The following ARHGEF16 variants were observed in gnomAD, a reference collection of about 807,000 sequenced individuals.
ARHGEF16 encodes the protein Rho guanine nucleotide exchange factor 16.
A neutral mutation model predicts 74.1 loss-of-function variants in ARHGEF16; 59 were observed. The observed-to-expected ratio is 0.80, with a 90% CI of 0.65 to 0.99. ARHGEF16 has a LOEUF of 0.99. Among genes scored for constraint, ARHGEF16 ranks in the 50% least tolerant of loss-of-function variants. ARHGEF16 has a pLI of 0.00. For missense variants in ARHGEF16, 948 were observed against 986.6 expected, an observed-to-expected ratio of 0.96 and a Z score of 0.52; for synonymous variants, 415 against 412.6, an observed-to-expected ratio of 1.01 and a Z score of -0.07.
intron 1 of ARHGEF16, among the ~76,000 whole-genome samples, chr1:3,461,057 G>A (rs1639381163): frequency 6.6e-6 from 1 of 152,206 alleles, no homozygotes; most frequent in South Asian, 2.1e-4. Context: ...GAGTGACTCA[G>A]CCTTGTTTTC....
At chr1:3,468,971 T>A in intron 5 of ARHGEF16, 35 bp downstream of exon 5, 1 of 1,548,456 alleles carries the variant, frequency 6.5e-7, no homozygotes. Flanking sequence ...CTGTCCCCCA[T>A]GGCCTGGGCC....
At position 3,467,565 on chromosome 1, in the gene ARHGEF16, G is replaced by A. The variant is rs989886266; in HGVS notation, c.804+228G>A. Among the ~76,000 whole-genome samples the A allele has an allele frequency of 3.3e-5, 5 of 152,294 alleles. No homozygotes were observed. In the East Asian group the frequency reaches 5.8e-4, roughly 18 times the overall value. On this transcript the variant is annotated intron_variant, in intron 4 of 14. Transcript: ENST00000378378. ...CCCATGCAGGGCCCTGCCGTCGTGC[G>A]TGCGAGGGCCAGCCCTGCTCAGACT... is the stretch of plus-strand genomic sequence containing the variant.
rs1639573236 is a variant in ARHGEF16, at chr1:3,467,272, G to T, written c.739G>T (p.Val247Leu). The change falls in exon 4 of 15, where the codon GTG becomes TTG. Residue 247 changes from valine to leucine, a missense_variant. Transcript: ENST00000378378. ...ESSSPEGTQK[V>L]DATIVVKSYR... ...CTCCAGCCCCGAGGGAACCCAGAAG[G>T]TGGACGCCACCATTGTGGTCAAGAG... 1 of 1,550,292 alleles carries T rather than the reference G, an allele frequency of 6.5e-7. No individual in the cohort carries two copies. The highest frequency in any genetic ancestry group is 1.4e-5 in the African/African-American group (1 of 73,052).
At chr1:3,461,192 G>A (rs1396339298) in intron 1 of ARHGEF16, among the ~76,000 whole-genome samples, 1 of 152,208 alleles carries the variant, frequency 6.6e-6, no homozygotes, top group Non-Finnish European at 1.5e-5. Context: ...TTTTTAAAAG[G>A]GAAAGAATGA....
In ARHGEF16 at chr1:3,480,865, C is replaced by A; in HGVS notation, c.*278C>A. 1 of 505,986 alleles carries A rather than the reference C, an allele frequency of 2.0e-6. No individual in the cohort carries two copies. The highest frequency in any genetic ancestry group is 3.5e-6 in the Non-Finnish European group (1 of 283,304). 31.3% of individuals were successfully genotyped at this position (505,986 alleles called of 1,614,324 possible). Reference sequence around the variant, plus strand: ...CTGGCTGGGCCCCTCAGCTGCTGGGCCCCACCTCCCCACTGCACCCAGGGG... The same window carrying A: ...CTGGCTGGGCCCCTCAGCTGCTGGGACCCACCTCCCCACTGCACCCAGGGG... On this transcript the variant is annotated 3_prime_UTR_variant, in exon 15 of 15. Coordinates refer to ENST00000378378, the MANE Select transcript of ARHGEF16 (RefSeq NM_014448.4).
Position 3,474,644 on chromosome 1 carries a change from G to A in ARHGEF16, c.1306-64G>A, listed in dbSNP as rs1046002805. On this transcript the variant is annotated intron_variant, in intron 8 of 14. Transcript: ENST00000378378. ...CAGCCCCACACGGGGTCTGGCGTTG[G>A]TGGGAGCCTCCACACCTGGGATGCC... The A allele has an allele frequency of 2.3e-5, 35 of 1,510,486 alleles. No individual in the cohort carries two copies. The African/African-American group carries it at 4.8e-4, about 21-fold the overall frequency. 93.6% of individuals were successfully genotyped at this position (1,510,486 alleles called of 1,614,324 possible).
chr1:3,467,722 A>C (rs1639588459), intron 4 of ARHGEF16, among the ~76,000 whole-genome samples: 1 of 152,026 alleles, frequency 6.6e-6, no homozygotes, highest in African/African-American at 2.4e-5. Context: ...CAGGGCCAAG[A>C]CACTCCTTCA....
At chr1:3,473,010 CTG>C (rs1569866893) in intron 6 of ARHGEF16, 66 bp from the exon 7 acceptor site, 1 of 1,535,826 alleles carries the variant, frequency 6.5e-7, no homozygotes, top group Non-Finnish European at 8.8e-7. Context: ...AGATGCATGT[CTG>C]TGTGTGCACA....
In ARHGEF16 at chr1:3,468,906, G is replaced by A; in HGVS notation, c.831G>A (p.Gln277=). 1.0e-5 allele frequency: 16 copies of A among 1,550,440 alleles called. No homozygotes were observed. Among genetic ancestry groups the A allele is most frequent in the Non-Finnish European group, 1.4e-5 (16 of 1,146,866 alleles). ...TGGTGGAATTGGGCATCCTGGACCA[G>A]CTCTCCACTGAGGAGCGGAAAAGGC... ...PEVVELGILD[Q]LSTEERKRQE... Residue 277 remains glutamine, a synonymous_variant, in exon 5 of 15, where the codon CAG becomes CAA. Coordinates refer to ENST00000378378, the MANE Select transcript of ARHGEF16 (RefSeq NM_014448.4).
intron 2 of ARHGEF16, among the ~76,000 whole-genome samples, chr1:3,464,251 T>A (rs1234780299): frequency 1.3e-5 from 2 of 152,326 alleles, no homozygotes; most frequent in African/African-American, 4.8e-5. Context: ...CCTGACTGCA[T>A]GTGTCACTAG....
intron 8 of ARHGEF16, 176 bp downstream of exon 8, chr1:3,473,698 C>G: frequency 9.3e-7 from 1 of 1,073,048 alleles, no homozygotes; most frequent in South Asian, 1.6e-5. Context: ...TTTGTGGTCG[C>G]CGCCACCCAC....
At chr1:3,467,887 C>T (rs2100743364) in intron 4 of ARHGEF16, among the ~76,000 whole-genome samples, 1 of 152,242 alleles carries the variant, frequency 6.6e-6, no homozygotes, top group South Asian at 2.1e-4. Flanking sequence ...AGGGAGGGGA[C>T]CATGTGGCCG....
At chr1:3,457,599 A>T (rs932358141) in intron 1 of ARHGEF16, among the ~76,000 whole-genome samples, 2 of 152,240 alleles carry the variant, frequency 1.3e-5, no homozygotes, top group African/African-American at 4.8e-5. Context: ...GCGGGGCTAC[A>T]GAGCGGCCCA....
At chr1:3,472,728 A>C in intron 6 of ARHGEF16, 2 of 198,638 alleles carry the variant, frequency 1.0e-5, no homozygotes, top group East Asian at 1.3e-4. Flanking sequence ...GAAGGGCACC[A>C]ACTGGACAGG....
At chr1:3,473,258 G>C (rs747242640) in intron 7 of ARHGEF16, 28 bp downstream of exon 7, 6 of 1,608,822 alleles carry the variant, frequency 3.7e-6, no homozygotes, top group Non-Finnish European at 5.1e-6. Flanking sequence ...AGGCCCGCAG[G>C]GTGGCTCAGG....
chr1:3,469,243 G>C (rs575258793), intron 5 of ARHGEF16, among the ~76,000 whole-genome samples, 190 bp from the exon 6 acceptor site: 2 of 152,276 alleles, frequency 1.3e-5, no homozygotes, highest in East Asian at 3.9e-4. Flanking sequence ...CCCAGCCAGG[G>C]GCATCCAGGG....
At chr1:3,465,929 C>T (rs1263980053) in intron 2 of ARHGEF16, 28 of 572,016 alleles carry the variant, frequency 4.9e-5, no homozygotes, top group Non-Finnish European at 6.2e-6. Context: ...CTTCCTCCTC[C>T]TCCAAGCAGC....
In ARHGEF16 at chr1:3,480,851, C is replaced by CTT. The variant is rs1553186275; in HGVS notation, c.*264_*265insTT. Reference sequence around the variant, plus strand: ...CCTATTCCCGTTGGCTGGCTGGGCCCCTCAGCTGCTGGGCCCCACCTCCCC... The same window carrying CTT: ...CCTATTCCCGTTGGCTGGCTGGGCCCTTCTCAGCTGCTGGGCCCCACCTCCCC... On this transcript the variant is annotated 3_prime_UTR_variant, in exon 15 of 15. Coordinates refer to ENST00000378378, the MANE Select transcript of ARHGEF16 (RefSeq NM_014448.4). 2 of 535,110 alleles carry CTT rather than the reference C, an allele frequency of 3.7e-6. No individual in the cohort carries two copies. The highest frequency in any genetic ancestry group is 6.6e-6 in the Non-Finnish European group (2 of 302,418). 33.1% of individuals were successfully genotyped at this position (535,110 alleles called of 1,614,324 possible).
chr1:3,466,329 G>T, intron 3 of ARHGEF16, 136 bp downstream of exon 3: 3 of 939,894 alleles, frequency 3.2e-6, no homozygotes, highest in Non-Finnish European at 4.7e-6. Context: ...CCTTCCAGAG[G>T]CTGAGGTCCC....
Sources: gnomAD v4.1 joint callset for allele counts (sites outside exome capture counted in the v4.1 genomes callset) on GRCh38, gnomAD v4.1.1 for gene constraint, MANE v1.5 for transcripts, NCBI Gene and HGNC (gene_info 2026-07-23, HGNC 2026-07-21) for gene names.